COL21A1: variants seen among roughly 807,000 people sequenced by gnomAD.
COL21A1 encodes collagen alpha-1(XXI) chain.
Under a neutral mutation model 137.9 loss-of-function variants are expected in COL21A1, and 149 were observed. The ratio of observed to expected loss-of-function variants is 1.08; its 90% CI spans 0.95 to 1.24. The LOEUF (loss-of-function observed/expected upper bound fraction) is 1.24. Ranked by LOEUF, COL21A1 falls within the 50% of genes most tolerant of loss-of-function variation. The pLI is 0.00. For synonymous variants in COL21A1, 456 were observed against 391.5 expected (o/e 1.16, Z -1.95); for missense variants, 1,167 against 1,158.4 (o/e 1.01, Z -0.11).
Position 56,179,771 on chromosome 6 carries a change from A to T in COL21A1, c.447T>A (p.Asp149Glu). The part of the protein sequence containing the change: ...AVVLTDGKSQ[D>E]DVKDAAQAAR... ...CTGCTTGAGCTGCATCCTTGACGTC[A>T]TCTTGGGATTTGCCATCCGTAAGTA... The change falls in exon 3 of 30, where the codon GAT becomes GAA. Residue 149 changes from aspartate (D) to glutamate (E), a missense_variant. Asp to Glu is a conservative substitution (Grantham distance 45). Transcript: ENST00000244728. 6.2e-7 allele frequency: 1 copy of T among 1,613,928 alleles called. No homozygotes were observed. Among genetic ancestry groups the T allele is most frequent in the Non-Finnish European group, 8.5e-7 (1 of 1,179,848 alleles).
intron 1 of COL21A1, among the ~76,000 whole-genome samples, chr6:56,296,705 T>C (rs1764169881): frequency 6.6e-6 from 1 of 151,988 alleles, no homozygotes; most frequent in South Asian, 2.1e-4. Context: ...AATTCAGGGA[T>C]GGTGAGATTG....
intron 1 of COL21A1, among the ~76,000 whole-genome samples, chr6:56,309,581 G>A (rs2152339261): frequency 6.6e-6 from 1 of 152,272 alleles, no homozygotes; most frequent in East Asian, 1.9e-4. Context: ...TGTTGGATGT[G>A]AGGTACTCCC....
At position 56,070,733 on chromosome 6, in the gene COL21A1, C is replaced by A; in HGVS notation, c.2019+12G>T. The A allele has an allele frequency of 6.4e-7, 1 of 1,557,490 alleles. No homozygotes were observed. On this transcript the variant is annotated intron_variant, in intron 21 of 29. Coordinates refer to ENST00000244728, the MANE Select transcript of COL21A1 (RefSeq NM_030820.4). ...ATTTCTTTGAAAATATTTTCAAATGCATCAAAATTACCTTGAGCCCAGAAG... is the reference window on the plus strand; with the variant it reads ...ATTTCTTTGAAAATATTTTCAAATGAATCAAAATTACCTTGAGCCCAGAAG...
chr6:56,069,322 A>G (rs532334044), intron 21 of COL21A1, among the ~76,000 whole-genome samples: 12 of 151,700 alleles, frequency 7.9e-5, no homozygotes, highest in African/African-American at 2.9e-4. Flanking sequence ...TCCAGTTGAA[A>G]AATTCTCACA....
chr6:56,286,301 A>G (rs1395814958), intron 1 of COL21A1, among the ~76,000 whole-genome samples: 1 of 152,214 alleles, frequency 6.6e-6, no homozygotes, highest in Non-Finnish European at 1.5e-5. Context: ...ATGTACACAC[A>G]CTAATTTGTA....
intron 16 of COL21A1, among the ~76,000 whole-genome samples, chr6:56,117,687 C>T (rs145751346): frequency 4.9e-4 from 75 of 151,996 alleles, no homozygotes; most frequent in African/African-American, 1.7e-3. Context: ...GGTTAGGTCA[C>T]AAAACAAGTC....
Position 56,061,666 on chromosome 6 carries a change from GA to G in COL21A1, c.2187del (p.His730MetfsTer30). Reference sequence around the variant, plus strand: ...AAACATACCTCTCCTTTTGCACCATGATGGCCTTGAATTCCCTTTGAAAATT... The same window carrying G: ...AAACATACCTCTCCTTTTGCACCATGTGGCCTTGAATTCCCTTTGAAAATT... ...GIPGQQGIQG[H>X]HGAKGERGEK... On this transcript the variant is annotated frameshift_variant, in exon 25 of 30. Transcript: ENST00000244728. LOFTEE classifies it high-confidence loss of function. 2 of 1,587,558 alleles carry G rather than the reference GA, an allele frequency of 1.3e-6. No homozygotes were observed. The highest frequency in any genetic ancestry group is 1.7e-6 in the Non-Finnish European group (2 of 1,161,398).
Position 56,301,817 on chromosome 6 carries a change from G to A in COL21A1, c.-39+92154C>T, listed in dbSNP as rs1198021493. ...GCTGGTGTGCTGCACCCAGTAACTCGTCATTTAACATTAGGTATATCTCCA... is the reference window on the plus strand; with the variant it reads ...GCTGGTGTGCTGCACCCAGTAACTCATCATTTAACATTAGGTATATCTCCA... On this transcript the variant is annotated intron_variant, in intron 1 of 28. Coordinates refer to the COL21A1 transcript ENST00000370819. 7.9e-5 allele frequency among the ~76,000 whole-genome samples: 12 copies of A among 151,492 alleles called. No individual in the cohort carries two copies. The South Asian group carries it at 1.5e-3, about 19-fold the overall frequency.
chr6:56,205,799 A>G (rs958516235), intron 1 of COL21A1, among the ~76,000 whole-genome samples: 1 of 152,226 alleles, frequency 6.6e-6, no homozygotes, highest in Admixed American at 6.5e-5. Context: ...CAGAAACCCT[A>G]TAAGCCAGAA....
intron 1 of COL21A1, among the ~76,000 whole-genome samples, chr6:56,316,523 C>T (rs1268460492): frequency 1.8e-5 from 2 of 108,560 alleles, no homozygotes; most frequent in African/African-American, 6.8e-5. Flanking sequence ...TCTCTGTTAC[C>T]CAGGCGGGAG....
chr6:56,235,861 C>G (rs1209568759), intron 1 of COL21A1, among the ~76,000 whole-genome samples: 1 of 151,904 alleles, frequency 6.6e-6, no homozygotes, highest in Non-Finnish European at 1.5e-5. Flanking sequence ...TAAGAGACCA[C>G]TGCAACAAGG....
At chr6:56,103,938 A>C (rs1770662701) in intron 16 of COL21A1, among the ~76,000 whole-genome samples, 1 of 152,162 alleles carries the variant, frequency 6.6e-6, no homozygotes, top group Admixed American at 6.6e-5. Context: ...CACTTTGAGA[A>C]ACACTACTCT....
At position 56,254,697 on chromosome 6, in the gene COL21A1, A is replaced by G. The variant is rs1782927331; in HGVS notation, c.-38-72041T>C. ...TATTTGGTGTGTTTTTCTAAAAGCT[A>G]TAAAAATCCCAGCTCCTTAACTTTT... is the stretch of plus-strand genomic sequence containing the variant. On this transcript the variant is annotated intron_variant, in intron 1 of 28. Transcript: ENST00000370819. Among the ~76,000 whole-genome samples the G allele has an allele frequency of 2.0e-5, 3 of 152,206 alleles. No homozygotes were observed. The South Asian group carries it at 6.2e-4, about 31-fold the overall frequency.
At chr6:56,111,565 T>C (rs1219564504) in intron 16 of COL21A1, among the ~76,000 whole-genome samples, 1 of 152,062 alleles carries the variant, frequency 6.6e-6, no homozygotes, top group Non-Finnish European at 1.5e-5. Flanking sequence ...CTACAATTAT[T>C]CCACACTAAA....
chr6:56,138,489 G>A (rs2152233113), intron 12 of COL21A1, among the ~76,000 whole-genome samples: 1 of 152,094 alleles, frequency 6.6e-6, no homozygotes, highest in Middle Eastern at 3.4e-3. Flanking sequence ...GAGAAAACAT[G>A]AAAAGGTAAC....
intron 1 of COL21A1, among the ~76,000 whole-genome samples, chr6:56,277,984 A>G (rs1267870792): frequency 4.6e-5 from 7 of 152,206 alleles, no homozygotes; most frequent in Non-Finnish European, 5.9e-5. Context: ...CTCCTGGAAC[A>G]TCTTTCATTT....
chr6:56,354,160 T>A (rs1020443200), intron 1 of COL21A1, among the ~76,000 whole-genome samples: 1 of 152,144 alleles, frequency 6.6e-6, no homozygotes, highest in Non-Finnish European at 1.5e-5. Context: ...CTCATTTACA[T>A]AAAGTCAAAA....
intron 1 of COL21A1, among the ~76,000 whole-genome samples, chr6:56,365,714 C>G (rs1056693232): frequency 1.3e-5 from 2 of 152,134 alleles, no homozygotes; most frequent in Non-Finnish European, 2.9e-5. Context: ...ATGCTCCCAC[C>G]ATTCTTATAT....
At chr6:56,071,404 T>C (rs913863217) in intron 20 of COL21A1, among the ~76,000 whole-genome samples, 2 of 151,610 alleles carry the variant, frequency 1.3e-5, no homozygotes, top group Non-Finnish European at 3.0e-5. Context: ...ACAAGTCTTC[T>C]GGCTAATAAG....
Sources: allele counts gnomAD v4.1 joint callset (sites outside exome capture counted in the v4.1 genomes callset), GRCh38; gene constraint gnomAD v4.1.1; transcripts MANE v1.5; gene names NCBI Gene and HGNC (gene_info 2026-07-23, HGNC 2026-07-21).